DENND1B: variants seen among roughly 807,000 people sequenced by gnomAD.
The protein encoded by DENND1B is DENN domain-containing protein 1B.
DENND1B carries 59 observed loss-of-function variants against 90.1 expected under a neutral mutation model. The ratio of observed to expected loss-of-function variants is 0.65; its 90% CI spans 0.53 to 0.81. DENND1B has a LOEUF of 0.81. Among genes scored for constraint, DENND1B ranks in the 40% least tolerant of loss-of-function variants. The pLI is 0.00. For synonymous variants in DENND1B, 337 were observed against 324.6 expected, an observed-to-expected ratio of 1.04 and a Z score of -0.41; for missense variants, 862 against 912.6, an observed-to-expected ratio of 0.94 and a Z score of 0.71.
At chr1:197,763,505 T>A (rs1457130008) in intron 2 of DENND1B, among the ~76,000 whole-genome samples, 1 of 152,206 alleles carries the variant, frequency 6.6e-6, no homozygotes, top group Middle Eastern at 3.2e-3. Context: ...TGTTTTAGGC[T>A]CTGAGTAAAC....
At chr1:197,577,647 G>C (rs932121864) in intron 15 of DENND1B, among the ~76,000 whole-genome samples, 1 of 152,166 alleles carries the variant, frequency 6.6e-6, no homozygotes, top group Non-Finnish European at 1.5e-5. Flanking sequence ...AAAAGTAAGA[G>C]ACCTGAAAAT....
At chr1:197,618,776 T>TA (rs1382184568) in intron 10 of DENND1B, among the ~76,000 whole-genome samples, 3 of 150,506 alleles carry the variant, frequency 2.0e-5, no homozygotes, top group African/African-American at 4.9e-5. Context: ...AGATCAGAAT[T>TA]AAAAAAAAAT....
intron 20 of DENND1B, among the ~76,000 whole-genome samples, chr1:197,530,699 G>C (rs1030962264): frequency 6.6e-6 from 1 of 152,094 alleles, no homozygotes; most frequent in East Asian, 1.9e-4. Context: ...TGGAGTTCAA[G>C]ATATATGATA....
At chr1:197,683,321 A>G (rs952454428) in intron 3 of DENND1B, among the ~76,000 whole-genome samples, 4 of 152,186 alleles carry the variant, frequency 2.6e-5, no homozygotes, top group Non-Finnish European at 4.4e-5. Context: ...AAGGGTTTAA[A>G]GCAAGGAAGG....
At chr1:197,694,794 T>C (rs1189694139) in intron 3 of DENND1B, among the ~76,000 whole-genome samples, 1 of 151,272 alleles carries the variant, frequency 6.6e-6, no homozygotes, top group African/African-American at 2.4e-5. Flanking sequence ...AGAATGTAAA[T>C]TTCACTGCCA....
intron 6 of DENND1B, among the ~76,000 whole-genome samples, chr1:197,653,714 T>C (rs1189418803): frequency 6.6e-6 from 1 of 152,070 alleles, no homozygotes; most frequent in East Asian, 1.9e-4. Flanking sequence ...CTTTTATGTA[T>C]TCCAGTATTA....
intron 2 of DENND1B, among the ~76,000 whole-genome samples, chr1:197,749,408 A>G (rs1366066265): frequency 6.6e-6 from 1 of 151,460 alleles, no homozygotes; most frequent in Non-Finnish European, 1.5e-5. Context: ...CAGACAAAGG[A>G]AAAAAAAAGA....
In DENND1B at chr1:197,716,952, C is replaced by A. The variant is rs149959953; in HGVS notation, c.83-1878G>T. Among the ~76,000 whole-genome samples, 219 of 151,806 alleles carry A rather than the reference C, an allele frequency of 1.4e-3. 2 individuals carry two copies. Among genetic ancestry groups the A allele is most frequent in the African/African-American group, 4.7e-3 (195 of 41,512 alleles). The stretch of plus-strand genomic sequence containing the variant: ...ACTTTTCCTCACTACCATTTTTTTT[C>A]TGTATACTCTGTTTTTTCGGAGAGA... On this transcript the variant is annotated intron_variant, in intron 2 of 22. Transcript: ENST00000620048.
chr1:197,646,878 A>G (rs1680771498), intron 8 of DENND1B, among the ~76,000 whole-genome samples, 177 bp downstream of exon 8: 1 of 152,144 alleles, frequency 6.6e-6, no homozygotes, highest in African/African-American at 2.4e-5. Flanking sequence ...TCATAAAACT[A>G]TGCTTTAAAA....
chr1:197,779,129 C>T (rs1035422808), upstream of DENND1B, among the ~76,000 whole-genome samples: 1 of 152,150 alleles, frequency 6.6e-6, no homozygotes, highest in Non-Finnish European at 1.5e-5. Context: ...GCCTAAAATT[C>T]TTTCCCTTTT....
At chr1:197,767,415 A>T (rs535323039) in intron 2 of DENND1B, among the ~76,000 whole-genome samples, 93 of 152,284 alleles carry the variant, frequency 6.1e-4, no homozygotes, top group Admixed American at 1.3e-3. Context: ...GACACTAAGA[A>T]TTCTTTGGCT....
chr1:197,750,610 A>C (rs992857281), intron 2 of DENND1B, among the ~76,000 whole-genome samples: 1 of 152,104 alleles, frequency 6.6e-6, no homozygotes, highest in Non-Finnish European at 1.5e-5. Context: ...AGATAGATAG[A>C]TAAAGATATA....
At chr1:197,698,137 C>T (rs1179864613) in intron 3 of DENND1B, among the ~76,000 whole-genome samples, 2 of 152,150 alleles carry the variant, frequency 1.3e-5, no homozygotes, top group Non-Finnish European at 2.9e-5. Context: ...TGCCACATCA[C>T]ACTTATTCTA....
At chr1:197,598,101 A>G (rs577162053) in intron 13 of DENND1B, among the ~76,000 whole-genome samples, 2 of 152,020 alleles carry the variant, frequency 1.3e-5, no homozygotes, top group East Asian at 1.9e-4. Context: ...TGAGTATACT[A>G]TCTAATTTCA....
chr1:197,535,921 G>A (rs1469712444), intron 20 of DENND1B, among the ~76,000 whole-genome samples: 1 of 152,038 alleles, frequency 6.6e-6, no homozygotes, highest in Non-Finnish European at 1.5e-5. Context: ...ACACAGAGAA[G>A]CTGAGAAAAC....
chr1:197,678,763 A>G (rs1656346504), intron 3 of DENND1B, among the ~76,000 whole-genome samples: 1 of 152,120 alleles, frequency 6.6e-6, no homozygotes, highest in African/African-American at 2.4e-5. Flanking sequence ...TTCTGCTCCC[A>G]CTTATGAGTG....
chr1:197,623,830 G>C (rs1474243088), intron 10 of DENND1B, among the ~76,000 whole-genome samples: 1 of 151,432 alleles, frequency 6.6e-6, no homozygotes, highest in Non-Finnish European at 1.5e-5. Flanking sequence ...CACCATTATA[G>C]TATCATAAAA....
chr1:197,733,200 G>C (rs956078924), intron 2 of DENND1B, among the ~76,000 whole-genome samples: 2 of 152,120 alleles, frequency 1.3e-5, no homozygotes, highest in African/African-American at 4.8e-5. Flanking sequence ...ACTGTTTCCT[G>C]CATTTATAGT....
chr1:197,749,563 T>C lies in DENND1B; in HGVS notation c.82+23305A>G, dbSNP rs374854128. On this transcript the variant is annotated intron_variant, in intron 2 of 22. Transcript: ENST00000620048. ...GTAAATTATCCTTCAAAAATTAAGA[T>C]ATAATAAAGACATTTTCAGATAAAA... 8.5e-4 allele frequency among the ~76,000 whole-genome samples: 129 copies of C among 152,134 alleles called. 1 individual carries two copies. Among genetic ancestry groups the C allele is most frequent in the African/African-American group, 2.8e-3 (116 of 41,552 alleles).
Sources: gnomAD v4.1 joint callset for allele counts (sites outside exome capture counted in the v4.1 genomes callset) on GRCh38, gnomAD v4.1.1 for gene constraint, MANE v1.5 for transcripts, NCBI Gene and HGNC (gene_info 2026-07-23, HGNC 2026-07-21) for gene names.